VPS29: variants seen among roughly 807,000 people sequenced by gnomAD.
VPS29 encodes vacuolar protein sorting-associated protein 29.
A neutral mutation model predicts 20.0 loss-of-function variants in VPS29; 2 were observed. The ratio of observed to expected loss-of-function variants is 0.10; its 90% CI spans 0.04 to 0.31. VPS29 has a LOEUF of 0.31. VPS29 is among the 10% of genes least tolerant of loss of function. The pLI is 1.00. For synonymous variants in VPS29, 81 were observed against 79.3 expected (o/e 1.02, Z -0.12); for missense variants, 120 against 215.3 (o/e 0.56, Z 2.77).
chr12:110,499,640 C>CAAAAAAAAAAA, intron 1 of VPS29: 1 of 642,142 alleles, frequency 1.6e-6, no homozygotes, highest in Non-Finnish European at 2.4e-6. Context: ...AAAAAGAAAC[C>CAAAAAAAAAAA]AAAAAAAAAA....
intron 1 of VPS29, among the ~76,000 whole-genome samples, chr12:110,501,254 C>G (rs1048313776): frequency 6.6e-6 from 1 of 152,108 alleles, no homozygotes; most frequent in Non-Finnish European, 1.5e-5. Flanking sequence ...GTAGGAAGGT[C>G]TGAGGGGCAC....
rs989654616 is a variant in VPS29, at chr12:110,496,421, T to G, written c.4-218A>C. 4.2e-5 allele frequency: 18 copies of G among 427,110 alleles called. No individual in the cohort carries two copies. In the East Asian group the frequency reaches 5.9e-4, roughly 14 times the overall value. 26.5% of individuals were successfully genotyped at this position (427,110 alleles called of 1,614,324 possible). A position where few individuals can be genotyped will look rare whatever the true frequency, so the allele number is the denominator to read the frequency against. ...CTTTGGGATAGGTTTCATCATTGAT[T>G]GTATCATGACAATTTAAACAGACAT... On this transcript the variant is annotated intron_variant, in intron 1 of 3. Coordinates refer to ENST00000549578, the MANE Select transcript of VPS29 (RefSeq NM_016226.5).
chr12:110,492,252 G>C, intron 3 of VPS29, 130 bp from the exon 4 acceptor site: 1 of 724,534 alleles, frequency 1.4e-6, no homozygotes, highest in Non-Finnish European at 2.3e-6. Context: ...CCAAAAGATT[G>C]CCAAAATGGC....
chr12:110,500,564 T>A (rs2062993726), intron 1 of VPS29, among the ~76,000 whole-genome samples: 1 of 152,222 alleles, frequency 6.6e-6, no homozygotes, highest in Non-Finnish European at 1.5e-5. Context: ...GCCATGTCTG[T>A]AAGTCCCCCT....
chr12:110,501,970 C>T, intron 1 of VPS29, 79 bp downstream of exon 1: 1 of 1,612,228 alleles, frequency 6.2e-7, no homozygotes, highest in South Asian at 1.1e-5. Context: ...ATTCCTCGCC[C>T]TCGGCCTCCC....
rs2063081456 is a variant in VPS29 at position 110,502,052 on chromosome 12, C to T, written c.-1G>A. ...TCGCCGCAACTGCAGCCCTCACCAT[C>T]CTGTCACCGGGCTCCGCTCAGTCAC... On this transcript the variant is annotated 5_prime_UTR_variant, in exon 1 of 4. Transcript: ENST00000549578. 6.2e-7 allele frequency: 1 copy of T among 1,612,642 alleles called. No homozygotes were observed. Among genetic ancestry groups the T allele is most frequent in the Non-Finnish European group, 8.5e-7 (1 of 1,180,006 alleles).
At chr12:110,495,935 C>A in intron 2 of VPS29, 77 bp downstream of exon 2, 4 of 1,340,548 alleles carry the variant, frequency 3.0e-6, no homozygotes, top group South Asian at 2.2e-5. Flanking sequence ...TTGAGAAACC[C>A]TGGTCTAAAG....
At chr12:110,495,722 A>G (rs2062895778) in intron 2 of VPS29, among the ~76,000 whole-genome samples, 1 of 152,052 alleles carries the variant, frequency 6.6e-6, no homozygotes, top group African/African-American at 2.4e-5. Context: ...AAACAAAAAC[A>G]AACAAAAAAA....
Position 110,499,607 on chromosome 12 carries a change from G to T in VPS29, c.3+2442C>A. On this transcript the variant is annotated intron_variant, in intron 1 of 3. Transcript: ENST00000549578. ...GGATGAAAAAAAAAGGGTGAAACAT[G>T]ACCAATGTTAAAAGAAAGCAACAAA... 4.7e-6 allele frequency: 6 copies of T among 1,273,496 alleles called. No individual in the cohort carries two copies. In the South Asian group the frequency reaches 6.6e-5, roughly 14 times the overall value. The allele number at this position is 1,273,496 out of a possible 1,614,324, so 78.9% of individuals were successfully genotyped here. A position where few individuals can be genotyped will look rare whatever the true frequency, so the allele number is the denominator to read the frequency against.
chr12:110,499,926 A>G (rs1294566009), intron 1 of VPS29, among the ~76,000 whole-genome samples: 3 of 152,224 alleles, frequency 2.0e-5, no homozygotes, highest in Non-Finnish European at 4.4e-5. Context: ...GATTTCTACA[A>G]GACACTGTGG....
In VPS29 at chr12:110,502,094, C is replaced by T. The variant is rs1433316238; in HGVS notation, c.-43G>A. ...CTCAGTCACCACCACCGTCGCCGCCCTCTTCCTCAGGCTCCTCGGCGACCC... is the reference window on the plus strand; with the variant it reads ...CTCAGTCACCACCACCGTCGCCGCCTTCTTCCTCAGGCTCCTCGGCGACCC... On this transcript the variant is annotated 5_prime_UTR_variant, in exon 1 of 4. Transcript: ENST00000549578. The T allele has an allele frequency of 1.2e-6, 2 of 1,600,702 alleles. No homozygotes were observed. The highest frequency in any genetic ancestry group is 1.7e-6 in the Non-Finnish European group (2 of 1,172,064).
chr12:110,492,109 A>T lies in VPS29; in HGVS notation c.445T>A (p.Ser149Thr), dbSNP rs758521601. Residue 149 changes from serine to threonine, a missense_variant, in exon 4 of 4, where the codon TCA (serine) becomes ACA (threonine). By Grantham distance (58) the Ser-to-Thr change is moderately conservative. Coordinates refer to ENST00000549578, the MANE Select transcript of VPS29 (RefSeq NM_016226.5). ...YNALETNIIP[S>T]FVLMDIQAST... ...GCCTGGATATCCATCAACACAAATGATGGAATAATGTTTCTAGAAGAAAAA... is the reference window on the plus strand; with the variant it reads ...GCCTGGATATCCATCAACACAAATGTTGGAATAATGTTTCTAGAAGAAAAA... 8.1e-6 allele frequency: 13 copies of T among 1,610,894 alleles called. No homozygotes were observed. In the East Asian group the frequency reaches 2.7e-4, roughly 33 times the overall value.
chr12:110,497,207 CTTTTTTTTTT>C (rs71083128), intron 1 of VPS29, among the ~76,000 whole-genome samples: 13 of 77,210 alleles, frequency 1.7e-4, no homozygotes, highest in Middle Eastern at 0.014. Context: ...AAATTTCTTT[CTTTTTTTTTT>C]TTTTTTTTTT....
At chr12:110,501,122 G>A (rs1001631813) in intron 1 of VPS29, among the ~76,000 whole-genome samples, 1 of 152,134 alleles carries the variant, frequency 6.6e-6, no homozygotes, top group African/African-American at 2.4e-5. Flanking sequence ...GCATTGCAGT[G>A]AGCCGAGATC....
intron 1 of VPS29, chr12:110,498,951 G>GAAC: frequency 1.8e-6 from 1 of 557,876 alleles, no homozygotes; most frequent in Non-Finnish European, 2.3e-6. Flanking sequence ...AGAAGAAGAA[G>GAAC]AACAACAACA....
chr12:110,494,342 T>A (rs554313255), intron 2 of VPS29, among the ~76,000 whole-genome samples: 201 of 149,898 alleles, frequency 1.3e-3, no homozygotes, highest in African/African-American at 4.7e-3. Context: ...AAACTCTGCC[T>A]CCCAGGTTCA....
At chr12:110,493,473 T>C (rs763310238) in intron 2 of VPS29, among the ~76,000 whole-genome samples, 1 of 151,674 alleles carries the variant, frequency 6.6e-6, no homozygotes, top group Non-Finnish European at 1.5e-5. Flanking sequence ...AATTCTCCTG[T>C]CTCAGCCTCC....
chr12:110,498,853 A>T, intron 1 of VPS29: 2 of 983,770 alleles, frequency 2.0e-6, no homozygotes, highest in Non-Finnish European at 2.4e-6. Context: ...TTAGAGGGGG[A>T]TTCCTTCTGA....
At chr12:110,497,247 C>T (rs1337316866) in intron 1 of VPS29, among the ~76,000 whole-genome samples, 1 of 111,074 alleles carries the variant, frequency 9.0e-6, no homozygotes, top group African/African-American at 3.4e-5. Flanking sequence ...GACGGAGTCT[C>T]ACTCTGTCGC....
Sources: allele counts gnomAD v4.1 joint callset (sites outside exome capture counted in the v4.1 genomes callset), GRCh38; gene constraint gnomAD v4.1.1; transcripts MANE v1.5; gene names NCBI Gene and HGNC (gene_info 2026-07-23, HGNC 2026-07-21).